The following NAALADL2 variants were observed in gnomAD, a reference collection of about 807,000 sequenced individuals.
The protein encoded by NAALADL2 is N-acetylated alpha-linked acidic dipeptidase like 2.
Under a neutral mutation model 87.2 loss-of-function variants are expected in NAALADL2, and 76 were observed. The ratio of observed to expected loss-of-function variants is 0.87; its 90% confidence interval spans 0.72 to 1.05. The LOEUF is 1.05. Ranked by LOEUF, NAALADL2 falls within the 50% of genes least tolerant of loss-of-function variation. NAALADL2 has a pLI of 0.00. For missense variants in NAALADL2, 1,089 were observed against 945.8 expected (o/e 1.15, Z -1.99); for synonymous variants, 354 against 331.0 (o/e 1.07, Z -0.75).
At chr3:174,500,211 A>G (rs111288804) in intron 1 of NAALADL2, among the ~76,000 whole-genome samples, 1 of 151,998 alleles carries the variant, frequency 6.6e-6, no homozygotes, top group African/African-American at 2.4e-5. Flanking sequence ...CTAAATTCGA[A>G]TTTCTGATTA....
intron 2 of NAALADL2, among the ~76,000 whole-genome samples, chr3:174,612,373 C>G (rs1287167338): frequency 6.6e-6 from 1 of 152,194 alleles, no homozygotes; most frequent in African/African-American, 2.4e-5. Context: ...TTTGAATAAA[C>G]GTTCTACTCC....
intron 1 of NAALADL2, among the ~76,000 whole-genome samples, chr3:174,995,086 A>G (rs1747254929): frequency 6.6e-6 from 1 of 152,040 alleles, no homozygotes; most frequent in African/African-American, 2.4e-5. Flanking sequence ...ATTTAGAGAC[A>G]GTAAAAAGGC....
intron 11 of NAALADL2, among the ~76,000 whole-genome samples, chr3:175,689,329 G>A (rs1043621503): frequency 4.6e-5 from 7 of 151,952 alleles, no homozygotes; most frequent in Non-Finnish European, 8.8e-5. Context: ...CATATAAAAT[G>A]TGTCATAGGA....
intron 2 of NAALADL2, among the ~76,000 whole-genome samples, chr3:174,700,611 CA>C (rs1203555114): frequency 1.3e-5 from 2 of 152,116 alleles, no homozygotes; most frequent in Non-Finnish European, 2.9e-5. Flanking sequence ...TTCTGTGTTT[CA>C]GGCATGTTCT....
chr3:175,149,890 A>G (rs779435754), intron 2 of NAALADL2, among the ~76,000 whole-genome samples: 5 of 152,150 alleles, frequency 3.3e-5, no homozygotes, highest in Non-Finnish European at 7.3e-5. Context: ...AGACTCTTGG[A>G]AGCGGGCCAG....
intron 2 of NAALADL2, among the ~76,000 whole-genome samples, chr3:174,657,914 T>C (rs1157512831): frequency 6.6e-6 from 1 of 152,144 alleles, no homozygotes; most frequent in Non-Finnish European, 1.5e-5. Flanking sequence ...TTCCTTCACT[T>C]AATATGCATT....
At chr3:175,437,436 C>G (rs1207400205) in intron 5 of NAALADL2, among the ~76,000 whole-genome samples, 1 of 141,320 alleles carries the variant, frequency 7.1e-6, no homozygotes, top group Non-Finnish European at 1.5e-5. Context: ...AACCACTGCT[C>G]AAGGAAATAA....
intron 1 of NAALADL2, among the ~76,000 whole-genome samples, chr3:174,966,007 C>T (rs1267014551): frequency 6.6e-6 from 1 of 151,898 alleles, no homozygotes; most frequent in Non-Finnish European, 1.5e-5. Context: ...TTGTGAGTGC[C>T]CATTTGAGAT....
chr3:175,538,452 G>A (rs1711672611), intron 9 of NAALADL2, among the ~76,000 whole-genome samples: 1 of 151,734 alleles, frequency 6.6e-6, no homozygotes, highest in African/African-American at 2.4e-5. Flanking sequence ...GGGAAATTAA[G>A]AAATATAATG....
intron 2 of NAALADL2, among the ~76,000 whole-genome samples, chr3:175,099,583 C>T (rs1178043450): frequency 3.3e-5 from 5 of 152,186 alleles, no homozygotes; most frequent in African/African-American, 1.2e-4. Context: ...CCATCTCAGC[C>T]TTAATTCCGT....
intron 12 of NAALADL2, among the ~76,000 whole-genome samples, 176 bp from the exon 13 acceptor site, chr3:175,755,044 T>C (rs1301708616): frequency 6.6e-6 from 1 of 152,170 alleles, no homozygotes; most frequent in Non-Finnish European, 1.5e-5. Context: ...TTCAAACACA[T>C]ATACCCTTGC....
chr3:175,275,318 C>A (rs10936835), intron 4 of NAALADL2, among the ~76,000 whole-genome samples: 139,947 of 152,242 alleles, frequency 0.92, 64,515 homozygotes, highest in African/African-American at 0.98. Context: ...GAATAAGTGA[C>A]TTTCTTAATG....
intron 2 of NAALADL2, among the ~76,000 whole-genome samples, chr3:174,575,701 A>G (rs1715452067): frequency 6.6e-6 from 1 of 152,206 alleles, no homozygotes; most frequent in African/African-American, 2.4e-5. Context: ...TCAAAATTCT[A>G]TAGTAAGTTT....
chr3:174,609,510 T>A (rs1039726231), intron 2 of NAALADL2, among the ~76,000 whole-genome samples: 7 of 152,076 alleles, frequency 4.6e-5, no homozygotes, highest in African/African-American at 1.2e-4. Flanking sequence ...AGCATTCTTA[T>A]ACACCAATAA....
At chr3:174,598,137 A>C (rs186267794) in intron 2 of NAALADL2, among the ~76,000 whole-genome samples, 74 of 152,288 alleles carry the variant, frequency 4.9e-4, no homozygotes, top group African/African-American at 1.6e-3. Flanking sequence ...TCTGTATTTC[A>C]TTCTGAAAAA....
rs1252718552 is a variant in NAALADL2, at chr3:175,361,693, C to T, written c.1090+37368C>T. 2.3e-4 allele frequency among the ~76,000 whole-genome samples: 34 copies of T among 148,014 alleles called. 4 individuals are homozygous for T. Among genetic ancestry groups the T allele is most frequent in the Admixed American group, 3.4e-4 (5 of 14,526 alleles). ...TTGAGAAGTGTCTGTTCATATCCTT[C>T]GCCCACTTTTTGATGGGGTTGTTTG... On this transcript the variant is annotated intron_variant, in intron 5 of 13. Coordinates refer to ENST00000454872, the MANE Select transcript of NAALADL2 (RefSeq NM_207015.3).
intron 2 of NAALADL2, among the ~76,000 whole-genome samples, chr3:174,640,468 G>A (rs1361128606): frequency 6.6e-6 from 1 of 152,088 alleles, no homozygotes; most frequent in African/African-American, 2.4e-5. Context: ...TGTGTGTGTG[G>A]AAGGGAAAAA....
chr3:174,864,933 G>A (rs16865252), intron 1 of NAALADL2, among the ~76,000 whole-genome samples: 24,735 of 151,850 alleles, frequency 0.16, 2,488 homozygotes, highest in African/African-American at 0.27. Flanking sequence ...ATGTTATTAG[G>A]ATGACAATAC....
chr3:174,447,467 T>C (rs565180921), intron 1 of NAALADL2, among the ~76,000 whole-genome samples: 5 of 152,336 alleles, frequency 3.3e-5, no homozygotes, highest in Admixed American at 3.3e-4. Flanking sequence ...GTAAGTTAAA[T>C]ATTCAGAACC....
Sources: allele counts gnomAD v4.1 joint callset (sites outside exome capture counted in the v4.1 genomes callset), GRCh38; gene constraint gnomAD v4.1.1; transcripts MANE v1.5; gene names NCBI Gene and HGNC (gene_info 2026-07-23, HGNC 2026-07-21).